The following NELL1 variants were observed in gnomAD, a reference collection of about 807,000 sequenced individuals.
NELL1 encodes the protein protein kinase C-binding protein NELL1.
In NELL1, 76 loss-of-function variants were observed where a neutral mutation model predicts 107.4. That is an observed-to-expected ratio of 0.71 (90% confidence interval 0.59 to 0.86). The LOEUF (loss-of-function observed/expected upper bound fraction) is 0.86. Ranked by LOEUF, NELL1 falls within the 40% of genes least tolerant of loss-of-function variation. The pLI, the probability that NELL1 is intolerant of heterozygous loss-of-function variation, is 0.00. For synonymous variants in NELL1, 353 were observed against 341.2 expected (o/e 1.03, Z -0.38); for missense variants, 1,024 against 1,005.5 (o/e 1.02, Z -0.25).
chr11:21,561,888 C>T (rs1856858514), intron 17 of NELL1, among the ~76,000 whole-genome samples: 1 of 151,988 alleles, frequency 6.6e-6, no homozygotes. Context: ...GAAGACAAAT[C>T]TCATTGTGGG....
At chr11:21,026,310 C>T (rs1852812972) in intron 12 of NELL1, among the ~76,000 whole-genome samples, 1 of 152,142 alleles carries the variant, frequency 6.6e-6, no homozygotes, top group African/African-American at 2.4e-5. Flanking sequence ...CATGCTTAGC[C>T]TCCATGCTGG....
chr11:20,888,919 G>T (rs1564951672), intron 5 of NELL1, among the ~76,000 whole-genome samples: 1 of 152,294 alleles, frequency 6.6e-6, no homozygotes, highest in South Asian at 2.1e-4. Context: ...TCATCCCTGG[G>T]ATTCCAAGTA....
intron 14 of NELL1, among the ~76,000 whole-genome samples, chr11:21,294,598 A>G (rs1849337044): frequency 6.6e-6 from 1 of 151,916 alleles, no homozygotes; most frequent in South Asian, 2.1e-4. Flanking sequence ...GTATTTATTT[A>G]TTTTCGTATC....
chr11:20,966,820 A>G lies in NELL1; in HGVS notation c.1300+6260A>G, dbSNP rs1484007750. ...CTACCCACTTGAAATCTTCTTAACC[A>G]TCACCTCCCCACCCCCTGCCGCCCC... On this transcript the variant is annotated intron_variant, in intron 12 of 19. Transcript: ENST00000357134. 3.3e-5 allele frequency among the ~76,000 whole-genome samples: 5 copies of G among 151,950 alleles called. No individual in the cohort carries two copies. In the East Asian group the frequency reaches 9.7e-4, roughly 30 times the overall value.
chr11:20,776,433 G>C (rs1223916093), intron 2 of NELL1, among the ~76,000 whole-genome samples: 1 of 151,906 alleles, frequency 6.6e-6, no homozygotes, highest in East Asian at 1.9e-4. Context: ...GGGTGACAGA[G>C]TGAGATACTG....
At chr11:20,902,127 T>TA (rs1237594695) in intron 5 of NELL1, among the ~76,000 whole-genome samples, 6 of 151,708 alleles carry the variant, frequency 4.0e-5, no homozygotes, top group African/African-American at 1.4e-4. Context: ...TTAGACAAGA[T>TA]AAAAAAATGC....
intron 13 of NELL1, among the ~76,000 whole-genome samples, chr11:21,151,274 A>G (rs567784830): frequency 9.9e-5 from 15 of 152,162 alleles, no homozygotes; most frequent in Non-Finnish European, 1.6e-4. Flanking sequence ...TTTTCCCTAC[A>G]TCATTTCTGC....
rs76874780 is a variant in NELL1, at chr11:21,514,385, T to C, written c.1646-19989T>C. 5.0e-3 allele frequency among the ~76,000 whole-genome samples: 762 copies of C among 152,260 alleles called. 4 individuals are homozygous for C. Among genetic ancestry groups the C allele is most frequent in the African/African-American group, 0.018 (735 of 41,554 alleles). On this transcript the variant is annotated intron_variant, in intron 15 of 19. Transcript: ENST00000357134. ...GTGCCAGCCAAAGAATTTAGAAATT[T>C]TGTTGCCCTTGTCAATATGAGGGCA...
chr11:21,066,350 C>A (rs1481540024), intron 12 of NELL1, among the ~76,000 whole-genome samples: 2 of 152,084 alleles, frequency 1.3e-5, no homozygotes. Flanking sequence ...AAGTATTTTA[C>A]TTTCTTCTCT....
chr11:20,920,357 C>T (rs530001291), intron 7 of NELL1, among the ~76,000 whole-genome samples: 18 of 152,148 alleles, frequency 1.2e-4, no homozygotes, highest in African/African-American at 4.1e-4. Context: ...CAAGATAAGG[C>T]TATAGTTTGG....
intron 14 of NELL1, among the ~76,000 whole-genome samples, chr11:21,337,677 C>T (rs986395138): frequency 1.3e-5 from 2 of 152,144 alleles, no homozygotes; most frequent in Admixed American, 1.3e-4. Context: ...TATTTCTACC[C>T]TCCTTCCTGC....
At chr11:20,770,167 G>T (rs1387586754) in intron 2 of NELL1, among the ~76,000 whole-genome samples, 1 of 152,126 alleles carries the variant, frequency 6.6e-6, no homozygotes, top group Non-Finnish European at 1.5e-5. Context: ...TTAGCCCTCA[G>T]TTATGGCTCT....
At chr11:21,499,011 ATAAT>A (rs1408401374) in intron 15 of NELL1, among the ~76,000 whole-genome samples, 3 of 152,202 alleles carry the variant, frequency 2.0e-5, no homozygotes, top group Non-Finnish European at 4.4e-5. Context: ...TACAGAGTTT[ATAAT>A]TAGACACTGA....
chr11:21,174,445 C>T (rs56991061), intron 13 of NELL1, among the ~76,000 whole-genome samples: 1 of 151,672 alleles, frequency 6.6e-6, no homozygotes, highest in Non-Finnish European at 1.5e-5. Context: ...GAGCTATTGA[C>T]CTTGATATAT....
chr11:21,331,344 C>T (rs1222495061), intron 14 of NELL1, among the ~76,000 whole-genome samples: 1 of 151,940 alleles, frequency 6.6e-6, no homozygotes, highest in Non-Finnish European at 1.5e-5. Context: ...TGTCCCCTTC[C>T]CTAAAACTGC....
chr11:21,189,473 C>G (rs1002399938), intron 13 of NELL1, among the ~76,000 whole-genome samples: 21 of 151,814 alleles, frequency 1.4e-4, no homozygotes, highest in African/African-American at 5.1e-4. Context: ...ATGCACTGTA[C>G]TAAATATAAA....
chr11:21,416,833 T>C (rs191964749), intron 15 of NELL1, among the ~76,000 whole-genome samples: 4 of 152,240 alleles, frequency 2.6e-5, no homozygotes, highest in African/African-American at 9.6e-5. Context: ...CTAGGTCCTT[T>C]GTTTTCCTTC....
chr11:21,344,949 T>A (rs116435112), intron 14 of NELL1, among the ~76,000 whole-genome samples: 1 of 152,212 alleles, frequency 6.6e-6, no homozygotes, highest in African/African-American at 2.4e-5. Context: ...ATAATTTTTA[T>A]TGAAGTCTTT....
chr11:20,791,291 C>T (rs1590297852), intron 3 of NELL1, among the ~76,000 whole-genome samples: 1 of 152,156 alleles, frequency 6.6e-6, no homozygotes, highest in African/African-American at 2.4e-5. Flanking sequence ...CTAAGATTTT[C>T]GTGGCTTTTG....
Sources: allele counts gnomAD v4.1 joint callset (sites outside exome capture counted in the v4.1 genomes callset), GRCh38; gene constraint gnomAD v4.1.1; transcripts MANE v1.5; gene names NCBI Gene and HGNC (gene_info 2026-07-23, HGNC 2026-07-21).